AGO3: variants seen among roughly 807,000 people sequenced by gnomAD.
AGO3 encodes the protein protein argonaute-3.
AGO3 carries 16 observed loss-of-function variants against 105.5 expected under a neutral mutation model. The ratio of observed to expected loss-of-function variants is 0.15; its 90% CI spans 0.10 to 0.23. AGO3 has a LOEUF of 0.23. AGO3 is among the 10% of genes least tolerant of loss of function. The probability of loss-of-function intolerance (pLI) is 1.00; values close to 1 mark genes in which losing one functional copy is unlikely to be tolerated. For missense variants in AGO3, 534 were observed against 1,088.0 expected, an observed-to-expected ratio of 0.49 and a Z score of 7.16; for synonymous variants, 340 against 367.3, an observed-to-expected ratio of 0.93 and a Z score of 0.85.
At position 36,004,327 on chromosome 1, in the gene AGO3, G is replaced by C; in HGVS notation, c.659-14G>C. The C allele has an allele frequency of 6.3e-7, 1 of 1,592,000 alleles. No individual in the cohort carries two copies. Among genetic ancestry groups the C allele is most frequent in the Non-Finnish European group, 8.5e-7 (1 of 1,169,734 alleles). ...GGAAACATTAATTTGTATTGTTTGTGTTTTTCTTCTTAGTTTCTGCCACTG... is the reference window on the plus strand; with the variant it reads ...GGAAACATTAATTTGTATTGTTTGTCTTTTTCTTCTTAGTTTCTGCCACTG... On this transcript the variant is annotated splice_polypyrimidine_tract_variant and intron_variant, in intron 5 of 18. Coordinates refer to ENST00000373191, the MANE Select transcript of AGO3 (RefSeq NM_024852.4).
chr1:36,020,905 C>T (rs1228518944), intron 11 of AGO3, among the ~76,000 whole-genome samples: 1 of 151,950 alleles, frequency 6.6e-6, no homozygotes, highest in African/African-American at 2.4e-5. Context: ...GGGTGAGCCA[C>T]TTGCACCCAG....
chr1:35,982,485 T>G, intron 5 of AGO3: 1 of 591,490 alleles, frequency 1.7e-6, no homozygotes, highest in South Asian at 2.2e-5. Context: ...CACAGAAAAT[T>G]AAATGCAAAG....
intron 12 of AGO3, among the ~76,000 whole-genome samples, chr1:36,029,940 A>G (rs1569864590): frequency 1.5e-5 from 2 of 136,386 alleles, no homozygotes; most frequent in African/African-American, 2.8e-5. Flanking sequence ...TGATCTGCCC[A>G]CCCCAGCCTC....
rs563661952 is a variant in AGO3 at position 36,068,306 on chromosome 1, T to C, written c.*12561T>C. The C allele has an allele frequency of 2.0e-5, 3 of 152,322 alleles. No homozygotes were observed. In the South Asian group the frequency reaches 6.2e-4, roughly 32 times the overall value. The allele number at this position is 152,322 out of a possible 1,614,324, so 9.4% of individuals were successfully genotyped here. On this transcript the variant is annotated 3_prime_UTR_variant, in exon 19 of 19. Transcript: ENST00000373191. ...TAGCCATGGAATTTTTTGCTGGCTA[T>C]AGAATGCTAATGTGAACAGAGTATA...
rs77448867 is a variant in AGO3, at chr1:36,020,122, G to A, written c.1406+6074G>A. ...GATGAATCATGGAATACAGCTTCTAGTAATGGAATTTTTAAGGACTCAGGA... is the reference window on the plus strand; with the variant it reads ...GATGAATCATGGAATACAGCTTCTAATAATGGAATTTTTAAGGACTCAGGA... On this transcript the variant is annotated intron_variant, in intron 11 of 18. Coordinates refer to ENST00000373191, the MANE Select transcript of AGO3 (RefSeq NM_024852.4). Among the ~76,000 whole-genome samples the A allele has an allele frequency of 7.6e-3, 1,161 of 152,232 alleles. 7 individuals carry two copies. The highest frequency in any genetic ancestry group is 0.013 in the Non-Finnish European group (893 of 68,006).
rs1051323697 is a variant in AGO3, at chr1:36,062,072, A to C, written c.*6327A>C. 2 of 152,148 alleles carry C rather than the reference A, an allele frequency of 1.3e-5. No homozygotes were observed. The highest frequency in any genetic ancestry group is 1.3e-4 in the Admixed American group (2 of 15,264). 9.4% of individuals were successfully genotyped at this position (152,148 alleles called of 1,614,324 possible). A position where few individuals can be genotyped will look rare whatever the true frequency, so the allele number is the denominator to read the frequency against. ...GCACATAAAACAGCAAACCTACTTA[A>C]CTTTTTAACAAGATTATGGGTATAG... On this transcript the variant is annotated 3_prime_UTR_variant, in exon 19 of 19. Coordinates refer to ENST00000373191, the MANE Select transcript of AGO3 (RefSeq NM_024852.4).
intron 5 of AGO3, among the ~76,000 whole-genome samples, chr1:36,001,141 A>G (rs1640064354): frequency 6.6e-6 from 1 of 152,160 alleles, no homozygotes; most frequent in Non-Finnish European, 1.5e-5. Context: ...AGGCTGAGGC[A>G]CGAGAATTGT....
At chr1:35,949,533 A>C (rs1646431397) in intron 2 of AGO3, among the ~76,000 whole-genome samples, 1 of 152,254 alleles carries the variant, frequency 6.6e-6, no homozygotes, top group African/African-American at 2.4e-5. Flanking sequence ...TTCCTTTTCA[A>C]TATTAGCAAA....
chr1:36,009,170 T>C, intron 8 of AGO3, 126 bp downstream of exon 8: 1 of 1,204,758 alleles, frequency 8.3e-7, no homozygotes, highest in Non-Finnish European at 1.1e-6. Flanking sequence ...AGTTTTAATT[T>C]ATTCTAAATT....
At position 35,996,917 on chromosome 1, in the gene AGO3, A is replaced by G. The variant is rs111632227; in HGVS notation, c.659-7424A>G. ...GACTAAATTTAAAAGACTGAAAATA[A>G]CAAATGTTGACAAAGATTTGGAGCA... On this transcript the variant is annotated intron_variant, in intron 5 of 18. Coordinates refer to ENST00000373191, the MANE Select transcript of AGO3 (RefSeq NM_024852.4). 2.5e-3 allele frequency among the ~76,000 whole-genome samples: 375 copies of G among 152,332 alleles called. 2 individuals carry two copies. The highest frequency in any genetic ancestry group is 8.5e-3 in the African/African-American group (353 of 41,568).
chr1:36,002,885 A>G (rs974285311), intron 5 of AGO3, among the ~76,000 whole-genome samples: 1 of 152,150 alleles, frequency 6.6e-6, no homozygotes. Context: ...AGCCTGGCCA[A>G]CGTGGTAAAA....
In AGO3 at chr1:36,067,990, GTT is replaced by G. The variant is rs976572715; in HGVS notation, c.*12247_*12248del. 1 of 152,166 alleles carries G rather than the reference GTT, an allele frequency of 6.6e-6. No individual in the cohort carries two copies. The highest frequency in any genetic ancestry group is 1.5e-5 in the Non-Finnish European group (1 of 68,032). The allele number at this position is 152,166 out of a possible 1,614,324, so 9.4% of individuals were successfully genotyped here. A position where few individuals can be genotyped will look rare whatever the true frequency, so the allele number is the denominator to read the frequency against. ...ATGTTTTCCATGTTTGTATTCTAAA[GTT>G]TGTTTCCTTTGACATTCCATTATCT... On this transcript the variant is annotated 3_prime_UTR_variant, in exon 19 of 19. Transcript: ENST00000373191.
chr1:35,982,519 AAAAC>A, intron 5 of AGO3: 1 of 627,110 alleles, frequency 1.6e-6, no homozygotes. Flanking sequence ...ATAAAAGATA[AAAAC>A]AAATCAATGA....
At chr1:36,011,559 C>T (rs1036115939) in intron 9 of AGO3, among the ~76,000 whole-genome samples, 4 of 152,110 alleles carry the variant, frequency 2.6e-5, no homozygotes, top group Admixed American at 2.0e-4. Flanking sequence ...TCATTTATTA[C>T]AGCTTAACTG....
At chr1:35,973,546 G>C (rs779585073) in intron 5 of AGO3, 35 bp downstream of exon 5, 2 of 1,440,420 alleles carry the variant, frequency 1.4e-6, no homozygotes, top group Non-Finnish European at 1.8e-6. Flanking sequence ...GTATTGGGTG[G>C]TGGATTTCTG....
At chr1:35,989,073 A>G (rs1647370400) in intron 5 of AGO3, among the ~76,000 whole-genome samples, 1 of 152,224 alleles carries the variant, frequency 6.6e-6, no homozygotes, top group South Asian at 2.1e-4. Context: ...ATTGAGCACT[A>G]TAATAAGTAC....
rs560672050 is a variant in AGO3, at chr1:36,012,587, T to C, written c.1150-1043T>C. Among the ~76,000 whole-genome samples, 11 of 152,218 alleles carry C rather than the reference T, an allele frequency of 7.2e-5. No individual in the cohort carries two copies. In the South Asian group the frequency reaches 1.9e-3, roughly 26 times the overall value. On this transcript the variant is annotated intron_variant, in intron 9 of 18. Transcript: ENST00000373191. Reference sequence around the variant, plus strand: ...ACTGAAAATAGTCAAGTAAATTTTATATAAATTATAAATCAAATAATTTTT... The same window carrying C: ...ACTGAAAATAGTCAAGTAAATTTTACATAAATTATAAATCAAATAATTTTT...
intron 11 of AGO3, among the ~76,000 whole-genome samples, chr1:36,024,216 G>A (rs769475158): frequency 3.6e-5 from 5 of 137,308 alleles, no homozygotes; most frequent in Non-Finnish European, 6.0e-5. Context: ...ACAACTCACC[G>A]CAGCCTTAAC....
intron 12 of AGO3, among the ~76,000 whole-genome samples, chr1:36,032,748 G>A (rs1403021472): frequency 6.6e-6 from 1 of 152,162 alleles, no homozygotes; most frequent in Non-Finnish European, 1.5e-5. Flanking sequence ...CCAGCACTTT[G>A]GGAGGCCAAG....
Sources: allele counts gnomAD v4.1 joint callset (sites outside exome capture counted in the v4.1 genomes callset), GRCh38; gene constraint gnomAD v4.1.1; transcripts MANE v1.5; gene names NCBI Gene and HGNC (gene_info 2026-07-23, HGNC 2026-07-21).